Variants in KCND2 observed in about 807,000 individuals in gnomAD.
The protein encoded by KCND2 is A-type voltage-gated potassium channel KCND2.
Under a neutral mutation model 54.4 loss-of-function variants are expected in KCND2, and 16 were observed. The ratio of observed to expected loss-of-function variants is 0.29; its 90% CI spans 0.20 to 0.45. The LOEUF is 0.45. KCND2 is among the 20% of genes least tolerant of loss of function. The pLI is 1.00. For synonymous variants in KCND2, 317 were observed against 310.7 expected, an observed-to-expected ratio of 1.02 and a Z score of -0.21; for missense variants, 486 against 824.2, an observed-to-expected ratio of 0.59 and a Z score of 5.02.
chr7:120,300,887 C>A (rs1799577001), intron 1 of KCND2, among the ~76,000 whole-genome samples: 1 of 151,914 alleles, frequency 6.6e-6, no homozygotes, highest in Admixed American at 6.6e-5. Flanking sequence ...ACTTTTAGGT[C>A]AAGAAATTAT....
chr7:120,701,754 A>C (rs1008529786), intron 1 of KCND2, among the ~76,000 whole-genome samples: 1 of 152,190 alleles, frequency 6.6e-6, no homozygotes, highest in Non-Finnish European at 1.5e-5. Context: ...CCATGTGCAG[A>C]AGATTGAAAC....
chr7:120,351,406 ACACACACTCT>A (rs1487710192), intron 1 of KCND2, among the ~76,000 whole-genome samples: 18 of 123,530 alleles, frequency 1.5e-4, no homozygotes, highest in Non-Finnish European at 2.7e-4. Flanking sequence ...ACACACACAC[ACACACACTCT>A]CTCTCTCTCT....
At chr7:120,472,428 G>A (rs1425283260) in intron 1 of KCND2, among the ~76,000 whole-genome samples, 1 of 152,008 alleles carries the variant, frequency 6.6e-6, no homozygotes, top group African/African-American at 2.4e-5. Context: ...AAACTGCATG[G>A]GCTTCCGAAT....
intron 1 of KCND2, among the ~76,000 whole-genome samples, chr7:120,410,953 A>T (rs1442273761): frequency 6.6e-6 from 1 of 151,860 alleles, no homozygotes; most frequent in East Asian, 1.9e-4. Context: ...TCAATGATGG[A>T]CATTCGGGTT....
chr7:120,664,566 G>T (rs1791902581), intron 1 of KCND2, among the ~76,000 whole-genome samples: 1 of 152,030 alleles, frequency 6.6e-6, no homozygotes, highest in African/African-American at 2.4e-5. Flanking sequence ...ACATTTAAAA[G>T]ATAATGATTA....
At chr7:120,320,477 A>G (rs1445168310) in intron 1 of KCND2, among the ~76,000 whole-genome samples, 1 of 152,116 alleles carries the variant, frequency 6.6e-6, no homozygotes, top group African/African-American at 2.4e-5. Flanking sequence ...CAGGGTGAAG[A>G]GATGAAGGTG....
At chr7:120,492,208 T>C (rs1802792527) in intron 1 of KCND2, among the ~76,000 whole-genome samples, 1 of 152,086 alleles carries the variant, frequency 6.6e-6, no homozygotes, top group African/African-American at 2.4e-5. Flanking sequence ...CACACAAGTC[T>C]ATGTTCTCTG....
intron 1 of KCND2, among the ~76,000 whole-genome samples, chr7:120,499,590 A>G (rs758470522): frequency 6.6e-6 from 1 of 151,996 alleles, no homozygotes; most frequent in Non-Finnish European, 1.5e-5. Flanking sequence ...TTTTACTCAT[A>G]TTTTCTTTAT....
intron 1 of KCND2, among the ~76,000 whole-genome samples, chr7:120,623,419 A>T (rs1283550648): frequency 2.0e-5 from 3 of 152,142 alleles, no homozygotes; most frequent in Non-Finnish European, 4.4e-5. Flanking sequence ...ACACTGTGCT[A>T]TTGGTGAGCT....
At chr7:120,594,378 A>T (rs1792708283) in intron 1 of KCND2, among the ~76,000 whole-genome samples, 2 of 147,942 alleles carry the variant, frequency 1.4e-5, no homozygotes, top group Admixed American at 1.3e-4. Flanking sequence ...TTTATTTCTC[A>T]CAGTTCTGTT....
intron 1 of KCND2, among the ~76,000 whole-genome samples, chr7:120,696,876 G>A (rs1233136902): frequency 1.3e-5 from 2 of 152,002 alleles, no homozygotes; most frequent in Non-Finnish European, 2.9e-5. Flanking sequence ...TCAGTCTCAG[G>A]TATTCCATTA....
chr7:120,554,083 A>G (rs1792133429), intron 1 of KCND2, among the ~76,000 whole-genome samples: 1 of 152,170 alleles, frequency 6.6e-6, no homozygotes, highest in African/African-American at 2.4e-5. Context: ...GGGTTAACCT[A>G]TTTTCCTGCT....
rs148403816 is a variant in KCND2 at position 120,555,757 on chromosome 7, A to G, written c.1116-177146A>G. Among the ~76,000 whole-genome samples the G allele has an allele frequency of 4.5e-4, 69 of 152,344 alleles. 1 individual carries two copies. In the East Asian group the frequency reaches 8.3e-3, roughly 18 times the overall value. ...ACATTTAAGTCAGATTAAGTTTCCA[A>G]TTGAGCTGCTCAATATCCCTGAATA... On this transcript the variant is annotated intron_variant, in intron 1 of 5. Transcript: ENST00000331113.
chr7:120,675,403 T>TC (rs1222339842), intron 1 of KCND2, among the ~76,000 whole-genome samples: 8 of 151,818 alleles, frequency 5.3e-5, no homozygotes, highest in Non-Finnish European at 1.0e-4. Context: ...TTTTTCTCTT[T>TC]TTTTTTTTTA....
At chr7:120,576,705 C>CCTTA (rs1792438866) in intron 1 of KCND2, among the ~76,000 whole-genome samples, 1 of 151,950 alleles carries the variant, frequency 6.6e-6, no homozygotes, top group South Asian at 2.1e-4. Flanking sequence ...TATCCTCTAT[C>CCTTA]CTTAGGCCAA....
intron 1 of KCND2, among the ~76,000 whole-genome samples, chr7:120,439,311 C>T (rs542257058): frequency 6.6e-6 from 1 of 152,064 alleles, no homozygotes; most frequent in Non-Finnish European, 1.5e-5. Flanking sequence ...AATATTTAAT[C>T]GAAATAGTGA....
chr7:120,628,041 T>TA (rs555890692), intron 1 of KCND2, among the ~76,000 whole-genome samples: 9 of 152,040 alleles, frequency 5.9e-5, no homozygotes, highest in East Asian at 1.9e-4. Flanking sequence ...ATTTGACATT[T>TA]AAAAAAAATG....
At chr7:120,498,135 G>A (rs182983615) in intron 1 of KCND2, among the ~76,000 whole-genome samples, 4 of 152,116 alleles carry the variant, frequency 2.6e-5, no homozygotes, top group East Asian at 1.9e-4. Context: ...ACCTTACAAC[G>A]GACAGCAGAT....
intron 1 of KCND2, among the ~76,000 whole-genome samples, chr7:120,524,644 G>T (rs555953723): frequency 6.6e-6 from 1 of 152,156 alleles, no homozygotes; most frequent in African/African-American, 2.4e-5. Context: ...ATATAATAAA[G>T]GTCATTGATA....
Sources: gnomAD v4.1 joint callset for allele counts (sites outside exome capture counted in the v4.1 genomes callset) on GRCh38, gnomAD v4.1.1 for gene constraint, MANE v1.5 for transcripts, NCBI Gene and HGNC (gene_info 2026-07-23, HGNC 2026-07-21) for gene names.